The following RCAN3 variants were observed in gnomAD, a reference collection of about 807,000 sequenced individuals.
The protein encoded by RCAN3 is regulator of calcineurin 3.
In RCAN3, 19 loss-of-function variants were observed where a neutral mutation model predicts 21.9. The ratio of observed to expected loss-of-function variants is 0.87; its 90% confidence interval spans 0.61 to 1.27. The LOEUF is 1.27. RCAN3 is among the 50% of genes most tolerant of loss of function. The pLI is 0.00. For missense variants in RCAN3, 240 were observed against 300.1 expected, an observed-to-expected ratio of 0.80 and a Z score of 1.48; for synonymous variants, 114 against 112.3, an observed-to-expected ratio of 1.01 and a Z score of -0.09.
intron 1 of RCAN3, among the ~76,000 whole-genome samples, chr1:24,510,836 T>C (rs1647813229): frequency 6.6e-6 from 1 of 152,198 alleles, no homozygotes; most frequent in African/African-American, 2.4e-5. Context: ...TGCTGGCTTT[T>C]GATTTAAAGT....
intron 2 of RCAN3, among the ~76,000 whole-genome samples, chr1:24,523,859 G>A (rs1253881849): frequency 6.6e-6 from 1 of 152,102 alleles, no homozygotes; most frequent in African/African-American, 2.4e-5. Flanking sequence ...TGTATGATCT[G>A]TATGCTGAAA....
At chr1:24,532,723 CG>C (rs1649869709) in intron 3 of RCAN3, among the ~76,000 whole-genome samples, 1 of 150,498 alleles carries the variant, frequency 6.6e-6, no homozygotes, top group Non-Finnish European at 1.5e-5. Context: ...CCAAGGTGGG[CG>C]GATGATGAAG....
Position 24,503,959 on chromosome 1 carries a change from A to G in RCAN3, c.-60+809A>G, listed in dbSNP as rs567785348. Among the ~76,000 whole-genome samples, 3 of 152,334 alleles carry G rather than the reference A, an allele frequency of 2.0e-5. No homozygotes were observed. The East Asian group carries it at 5.8e-4, about 29-fold the overall frequency. ...ATGTAAAGTAATTTGTTTTAAGACT[A>G]TTTCATTGGCTTTGGTTCAATATCT... On this transcript the variant is annotated intron_variant, in intron 1 of 4. Coordinates refer to ENST00000374395, the MANE Select transcript of RCAN3 (RefSeq NM_013441.4).
chr1:24,533,037 C>T lies in RCAN3; in HGVS notation c.370-46C>T, dbSNP rs189531936. On this transcript the variant is annotated intron_variant, in intron 3 of 4. Transcript: ENST00000374395. ...AACATAAAGGTGAAAATGAAGAAAA[C>T]ATAGCCCGGTTTGCAAACTGGCTTT... is the stretch of plus-strand genomic sequence containing the variant. The T allele has an allele frequency of 1.2e-4, 141 of 1,137,586 alleles. No individual in the cohort carries two copies. The Middle Eastern group carries it at 1.5e-3, about 12-fold the overall frequency. 70.5% of individuals were successfully genotyped at this position (1,137,586 alleles called of 1,614,324 possible). A position where few individuals can be genotyped will look rare whatever the true frequency, so the allele number is the denominator to read the frequency against.
At chr1:24,523,176 A>G (rs1038141667) in intron 2 of RCAN3, among the ~76,000 whole-genome samples, 2 of 150,666 alleles carry the variant, frequency 1.3e-5, no homozygotes, top group Non-Finnish European at 3.0e-5. Context: ...GAGTTCTCCT[A>G]CCTCAGCCTC....
In RCAN3 at chr1:24,530,356, C is replaced by CAAAAAAAA. The variant is rs56914359; in HGVS notation, c.196-846_196-839dup. 9.4e-3 allele frequency among the ~76,000 whole-genome samples: 765 copies of CAAAAAAAA among 81,446 alleles called. 42 individuals carry two copies. The highest frequency in any genetic ancestry group is 0.031 in the African/African-American group (631 of 20,278). 53.4% of individuals were successfully genotyped at this position (81,446 alleles called of 152,430 possible). A position where few individuals can be genotyped will look rare whatever the true frequency, so the allele number is the denominator to read the frequency against. On this transcript the variant is annotated intron_variant, in intron 2 of 4. Transcript: ENST00000374395. ...GGCAACAGAGTGAGACTCTTATCTC[C>CAAAAAAAA]AAAAAAAAAAAAAAAAAAAAAAAGA...
chr1:24,521,275 C>T (rs987571465), intron 2 of RCAN3, among the ~76,000 whole-genome samples: 1 of 152,104 alleles, frequency 6.6e-6, no homozygotes, highest in African/African-American at 2.4e-5. Context: ...AATGAAGTTG[C>T]ATCCTTATTT....
chr1:24,522,294 C>T (rs1363645823), intron 2 of RCAN3, among the ~76,000 whole-genome samples: 1 of 152,106 alleles, frequency 6.6e-6, no homozygotes, highest in African/African-American at 2.4e-5. Context: ...CAGGTGTGAC[C>T]TCACACCTGG....
chr1:24,518,408 G>C (rs1489470708), intron 2 of RCAN3, among the ~76,000 whole-genome samples: 1 of 152,086 alleles, frequency 6.6e-6, no homozygotes, highest in African/African-American at 2.4e-5. Flanking sequence ...GTGGAGAAAA[G>C]GACTTATCTT....
chr1:24,508,472 G>A (rs1647626689), intron 1 of RCAN3, among the ~76,000 whole-genome samples: 1 of 152,180 alleles, frequency 6.6e-6, no homozygotes, highest in Non-Finnish European at 1.5e-5. Context: ...ACTCCAGTGT[G>A]GATAAAGTCA....
chr1:24,519,217 T>G (rs1490459095), intron 2 of RCAN3, among the ~76,000 whole-genome samples: 2 of 47,942 alleles, frequency 4.2e-5, no homozygotes, highest in Admixed American at 1.7e-4. Flanking sequence ...GGCCTGATGT[T>G]TTTTTTTTTT....
At chr1:24,531,420 T>G in intron 3 of RCAN3, 29 bp downstream of exon 3, 1 of 1,471,246 alleles carries the variant, frequency 6.8e-7, no homozygotes, top group Non-Finnish European at 9.1e-7. Context: ...AACACTGTTC[T>G]CTAAACTTGT....
At position 24,538,587 on chromosome 1, in the gene RCAN3, T is replaced by TG. The variant is rs1030200862; in HGVS notation, c.*3310_*3311insG. ...GCCCGGCTAATTTTTTTTTTTTTTT[T>TG]TTTTATAAGTAGAGACGGGGTTTCA... is the stretch of plus-strand genomic sequence containing the variant. On this transcript the variant is annotated 3_prime_UTR_variant, in exon 5 of 5. Coordinates refer to ENST00000374395, the MANE Select transcript of RCAN3 (RefSeq NM_013441.4). 1 of 148,902 alleles carries TG rather than the reference T, an allele frequency of 6.7e-6. No homozygotes were observed. The highest frequency in any genetic ancestry group is 2.5e-5 in the African/African-American group (1 of 40,452). 9.2% of individuals were successfully genotyped at this position (148,902 alleles called of 1,614,324 possible). A position where few individuals can be genotyped will look rare whatever the true frequency, so the allele number is the denominator to read the frequency against.
chr1:24,523,482 C>T (rs1319553047), intron 2 of RCAN3, among the ~76,000 whole-genome samples: 1 of 151,846 alleles, frequency 6.6e-6, no homozygotes, highest in African/African-American at 2.4e-5. Flanking sequence ...TAACAGTAAA[C>T]ATTTGGAAAT....
At chr1:24,513,673 G>A (rs1648076132) in intron 1 of RCAN3, among the ~76,000 whole-genome samples, 1 of 152,082 alleles carries the variant, frequency 6.6e-6, no homozygotes, top group African/African-American at 2.4e-5. Context: ...AAAAGTGCTG[G>A]GATTATAGGC....
At chr1:24,530,014 A>C (rs1649621637) in intron 2 of RCAN3, among the ~76,000 whole-genome samples, 1 of 150,858 alleles carries the variant, frequency 6.6e-6, no homozygotes, top group Non-Finnish European at 1.5e-5. Flanking sequence ...AAAAAACAAA[A>C]CAAAATTAAA....
Position 24,536,005 on chromosome 1 carries a change from C to T in RCAN3, c.*728C>T, listed in dbSNP as rs1339066091. ...CATGGCTGCCCAGGAAGGACGGCCA[C>T]TTTAGAAGTGGGACGTATCACCAGT... is the stretch of plus-strand genomic sequence containing the variant. On this transcript the variant is annotated 3_prime_UTR_variant, in exon 5 of 5. Transcript: ENST00000374395. 6.6e-6 allele frequency: 1 copy of T among 151,790 alleles called. No individual in the cohort carries two copies. The highest frequency in any genetic ancestry group is 2.4e-5 in the African/African-American group (1 of 41,048). The allele number at this position is 151,790 out of a possible 1,614,324, so 9.4% of individuals were successfully genotyped here.
At chr1:24,507,228 C>T (rs900477065) in intron 1 of RCAN3, among the ~76,000 whole-genome samples, 3 of 152,170 alleles carry the variant, frequency 2.0e-5, no homozygotes, top group East Asian at 1.9e-4. Flanking sequence ...TGCCAGATCA[C>T]GTGACCTTTG....
At chr1:24,513,023 G>A (rs913601429) in intron 1 of RCAN3, among the ~76,000 whole-genome samples, 1 of 151,998 alleles carries the variant, frequency 6.6e-6, no homozygotes, top group Non-Finnish European at 1.5e-5. Context: ...GGATCACCAG[G>A]TCAGGAGATC....
Sources: allele counts gnomAD v4.1 joint callset (sites outside exome capture counted in the v4.1 genomes callset), GRCh38; gene constraint gnomAD v4.1.1; transcripts MANE v1.5; gene names NCBI Gene and HGNC (gene_info 2026-07-23, HGNC 2026-07-21).